The following CELSR1 variants were observed in gnomAD, a reference collection of about 807,000 sequenced individuals.
CELSR1 encodes adhesion G protein-coupled receptor C1.
Under a neutral mutation model 249.1 loss-of-function variants are expected in CELSR1, and 110 were observed. The observed-to-expected ratio is 0.44, with a 90% CI of 0.38 to 0.52. The LOEUF (loss-of-function observed/expected upper bound fraction) is 0.52. Ranked by LOEUF, CELSR1 falls within the 20% of genes least tolerant of loss-of-function variation. The probability of loss-of-function intolerance (pLI) is 0.00; values close to 1 mark genes in which losing one functional copy is unlikely to be tolerated. For missense variants in CELSR1, 4,109 were observed against 4,296.4 expected, an observed-to-expected ratio of 0.96 and a Z score of 1.22; for synonymous variants, 2,113 against 1,900.0, an observed-to-expected ratio of 1.11 and a Z score of -2.92.
At position 46,528,421 on chromosome 22, in the gene CELSR1, C is replaced by T. The variant is rs573152446; in HGVS notation, c.3544+5206G>A. On this transcript the variant is annotated intron_variant, in intron 1 of 34. Coordinates refer to ENST00000674500, the MANE Select transcript of CELSR1 (RefSeq NM_001378328.1). The stretch of plus-strand genomic sequence containing the variant: ...TCCGCCAATCATTCTCACCCACAAA[C>T]GCCACTTTCCTACATCCATGGGTCT... Among the ~76,000 whole-genome samples, 17 of 152,272 alleles carry T rather than the reference C, an allele frequency of 1.1e-4. No individual in the cohort carries two copies. In the East Asian group the frequency reaches 1.7e-3, roughly 16 times the overall value.
chr22:46,507,910 C>T (rs1350615765), intron 1 of CELSR1, among the ~76,000 whole-genome samples: 2 of 152,132 alleles, frequency 1.3e-5, no homozygotes, highest in Non-Finnish European at 2.9e-5. Context: ...TCACACCCCC[C>T]TACCTCCCAC....
intron 2 of CELSR1, among the ~76,000 whole-genome samples, chr22:46,450,067 C>T (rs551564425): frequency 6.6e-6 from 1 of 152,262 alleles, no homozygotes; most frequent in South Asian, 2.1e-4. Flanking sequence ...CGTGACAGTC[C>T]CACACCAGCA....
In CELSR1 at chr22:46,534,579, G is replaced by A. The variant is rs780878549; in HGVS notation, c.2592C>T (p.Ala864=). Residue 864 remains alanine (A), a synonymous_variant, in exon 1 of 35, where the codon GCC becomes GCT. Coordinates refer to ENST00000674500, the MANE Select transcript of CELSR1 (RefSeq NM_001378328.1). This position sits in a 1 kb window ranked among gnomAD's most constrained non-coding sequence, Gnocchi z 9.7. ...ATTTCTGCGGGATGCCGTTGTCCTG[G>A]GCCATGATGGTCAGCGTGTAGGCGA... is the stretch of plus-strand genomic sequence containing the variant. ...NQVAYTLTIM[A]QDNGIPQKSD... The A allele has an allele frequency of 1.2e-6, 2 of 1,613,796 alleles. No individual in the cohort carries two copies. The highest frequency in any genetic ancestry group is 1.7e-6 in the Non-Finnish European group (2 of 1,180,042).
At chr22:46,466,067 G>A (rs959647413) in intron 1 of CELSR1, among the ~76,000 whole-genome samples, 1 of 152,196 alleles carries the variant, frequency 6.6e-6, no homozygotes, top group South Asian at 2.1e-4. Context: ...TCAGTTCTGT[G>A]GGCAACTCCC....
In CELSR1 at chr22:46,409,683, TC is replaced by T; in HGVS notation, c.5059+71del. 1 of 1,586,700 alleles carries T rather than the reference TC, an allele frequency of 6.3e-7. No homozygotes were observed. Among genetic ancestry groups the T allele is most frequent in the Non-Finnish European group, 8.6e-7 (1 of 1,166,962 alleles). On this transcript the variant is annotated intron_variant, in intron 8 of 34. Coordinates refer to ENST00000674500, the MANE Select transcript of CELSR1 (RefSeq NM_001378328.1). This position sits in a 1 kb window ranked among gnomAD's most constrained non-coding sequence, Gnocchi z 9.8. The stretch of plus-strand genomic sequence containing the variant: ...TGGATGTGAAGCCCCCTCACGGTGG[TC>T]CCGGGCACATCAAGGAGCAATGCCT...
intron 19 of CELSR1, among the ~76,000 whole-genome samples, chr22:46,385,630 A>T (rs2079023635): frequency 6.6e-6 from 1 of 151,696 alleles, no homozygotes. Context: ...GTCTTCCCAA[A>T]GGCTCCATTT....
chr22:46,365,090 C>A, intron 32 of CELSR1, 141 bp downstream of exon 32: 1 of 1,211,582 alleles, frequency 8.3e-7, no homozygotes, highest in Non-Finnish European at 1.1e-6. Flanking sequence ...CAACCAGAGT[C>A]CCCCCACCCC....
At position 46,365,325 on chromosome 22, in the gene CELSR1, G is replaced by C; in HGVS notation, c.8460C>G (p.Tyr2820Ter). The change falls in exon 32 of 35, where the codon TAC (tyrosine) becomes TAG (stop). Residue 2820 changes from tyrosine to a stop codon, truncating the protein, a stop_gained. Transcript: ENST00000674500. LOFTEE classifies it high-confidence loss of function. ...CGCTGTCTGACGAGTGTGAGGAGGC[G>C]TAAGAGCTGCTCTGCTCATCCAGGG... The part of the protein sequence containing the change: ...ELSLDEQSSS[Y>*]ASSHSSDSED... 1 of 1,612,950 alleles carries C rather than the reference G, an allele frequency of 6.2e-7. No individual in the cohort carries two copies. The highest frequency in any genetic ancestry group is 8.5e-7 in the Non-Finnish European group (1 of 1,179,952).
Position 46,397,847 on chromosome 22 carries a change from C to T in CELSR1, c.5528G>A (p.Gly1843Glu). ...VRRGFRGCMQ[G>E]VRMGGTPTNV... ...GGTGGGCGTCCCCCCCATCCTCACT[C>T]CCTGCATTAAGTAAACGGCACTGGG... is the stretch of plus-strand genomic sequence containing the variant. Residue 1843 changes from glycine to glutamate, a missense_variant and splice_region_variant, in exon 12 of 35, where the codon GGA becomes GAA. Coordinates refer to ENST00000674500, the MANE Select transcript of CELSR1 (RefSeq NM_001378328.1). 6.4e-7 allele frequency: 1 copy of T among 1,557,852 alleles called. No homozygotes were observed. The highest frequency in any genetic ancestry group is 1.4e-5 in the African/African-American group (1 of 73,260).
rs2080176921 is a variant in CELSR1 at position 46,473,530 on chromosome 22, C to A, written c.3545-9185G>T. On this transcript the variant is annotated intron_variant, in intron 1 of 34. Transcript: ENST00000674500. The surrounding 1 kb of genome is among the most constrained non-coding windows in gnomAD (Gnocchi z 6.6). ...TGAGTCTCCGTCACCACCCCATGCA[C>A]CAAAGCCTGGGGGGCTCCTCCACTC... 6.6e-6 allele frequency among the ~76,000 whole-genome samples: 1 copy of A among 152,150 alleles called. No individual in the cohort carries two copies.
At chr22:46,474,778 C>G (rs888493961) in intron 1 of CELSR1, among the ~76,000 whole-genome samples, 8 of 107,002 alleles carry the variant, frequency 7.5e-5, no homozygotes, top group African/African-American at 2.9e-4. Flanking sequence ...CATTATTCTA[C>G]TCTCTACTTC....
rs114883197 is a variant in CELSR1 at position 46,408,038 on chromosome 22, A to C, written c.5226+958T>G. 0.012 allele frequency among the ~76,000 whole-genome samples: 1,872 copies of C among 152,166 alleles called. 41 individuals carry two copies. The highest frequency in any genetic ancestry group is 0.061 in the Middle Eastern group (18 of 294). ...TGTGGCAGAAGGGCAGCCCGATGAC[A>C]GAAGACAGGGCTCATAACTGTTTCT... is the stretch of plus-strand genomic sequence containing the variant. On this transcript the variant is annotated intron_variant, in intron 9 of 34. Coordinates refer to ENST00000674500, the MANE Select transcript of CELSR1 (RefSeq NM_001378328.1). This position sits in a 1 kb window ranked among gnomAD's most constrained non-coding sequence, Gnocchi z 4.6.
In CELSR1 at chr22:46,433,373, A is replaced by C. The variant is rs1383372756; in HGVS notation, c.4611+20T>G. On this transcript the variant is annotated intron_variant, in intron 5 of 34. Coordinates refer to ENST00000674500, the MANE Select transcript of CELSR1 (RefSeq NM_001378328.1). The surrounding 1 kb of genome is among the most constrained non-coding windows in gnomAD (Gnocchi z 5.7). ...TCGAGCCGCCCTGGGGCCAGGGGGA[A>C]GTGGTGGGGCCCATCTTACCTTGTT... 2.5e-6 allele frequency: 4 copies of C among 1,601,172 alleles called. No individual in the cohort carries two copies. Among genetic ancestry groups the C allele is most frequent in the South Asian group, 2.2e-5 (2 of 90,596 alleles).
intron 5 of CELSR1, among the ~76,000 whole-genome samples, chr22:46,416,105 A>G (rs57771161): frequency 0.093 from 10,472 of 112,492 alleles, 1,949 homozygotes; most frequent in African/African-American, 0.28. Context: ...CAGGTTGCAG[A>G]GGGGGGCGGA....
Position 46,378,631 on chromosome 22 carries a change from G to C in CELSR1, c.7343C>G (p.Thr2448Arg). ...RTHVACQCSH[T>R]ASFAVLMDIS... is the part of the protein sequence containing the mutation. Reference sequence around the variant, plus strand: ...ATCCATGAGCACCGCAAAGCTGGCTGTGTGGCTGCACTGGCAGGCGACATG... The same window carrying C: ...ATCCATGAGCACCGCAAAGCTGGCTCTGTGGCTGCACTGGCAGGCGACATG... The change falls in exon 23 of 35, where the codon ACA becomes AGA. Residue 2448 changes from threonine to arginine, a missense_variant. Coordinates refer to ENST00000674500, the MANE Select transcript of CELSR1 (RefSeq NM_001378328.1). 2 of 1,602,454 alleles carry C rather than the reference G, an allele frequency of 1.2e-6. No individual in the cohort carries two copies. The highest frequency in any genetic ancestry group is 1.7e-6 in the Non-Finnish European group (2 of 1,175,560).
At chr22:46,522,494 G>A (rs1464480970) in intron 1 of CELSR1, among the ~76,000 whole-genome samples, 2 of 152,116 alleles carry the variant, frequency 1.3e-5, no homozygotes, top group Admixed American at 1.3e-4. Context: ...TGGAAGAAAT[G>A]TCTATTCAAG....
At chr22:46,422,321 T>C (rs1459405093) in intron 5 of CELSR1, among the ~76,000 whole-genome samples, 1 of 152,050 alleles carries the variant, frequency 6.6e-6, no homozygotes, top group African/African-American at 2.4e-5. Flanking sequence ...TTGGCCAGGC[T>C]GGTTTTGAAC....
rs931107692 is a variant in CELSR1, at chr22:46,402,900, A to G, written c.5227-2998T>C. Among the ~76,000 whole-genome samples, 2 of 152,230 alleles carry G rather than the reference A, an allele frequency of 1.3e-5. No homozygotes were observed. Among genetic ancestry groups the G allele is most frequent in the Non-Finnish European group, 2.9e-5 (2 of 68,038 alleles). On this transcript the variant is annotated intron_variant, in intron 9 of 34. Coordinates refer to ENST00000674500, the MANE Select transcript of CELSR1 (RefSeq NM_001378328.1). This position sits in a 1 kb window ranked among gnomAD's most constrained non-coding sequence, Gnocchi z 5.0. ...AAAAACAACTATTAGCACACTGCTT[A>G]TATTATACCTGAAATATAAGGATAC...
chr22:46,381,426 G>A lies in CELSR1; in HGVS notation c.7088+420C>T, dbSNP rs979438402. Among the ~76,000 whole-genome samples the A allele has an allele frequency of 6.6e-6, 1 of 152,190 alleles. No individual in the cohort carries two copies. Among genetic ancestry groups the A allele is most frequent in the Admixed American group, 6.5e-5 (1 of 15,290 alleles). ...AGCCTTGGGCTGCTCCCACCGAGCAGGTTGCAAAGCTGCTTCTGGGACATT... is the reference window on the plus strand; with the variant it reads ...AGCCTTGGGCTGCTCCCACCGAGCAAGTTGCAAAGCTGCTTCTGGGACATT... On this transcript the variant is annotated intron_variant, in intron 21 of 34. Transcript: ENST00000674500. The surrounding 1 kb of genome is among the most constrained non-coding windows in gnomAD (Gnocchi z 6.0).
Sources: gnomAD v4.1 joint callset for allele counts (sites outside exome capture counted in the v4.1 genomes callset) on GRCh38, gnomAD v4.1.1 for gene constraint, Gnocchi (gnomAD v3.1) non-coding constraint, MANE v1.5 for transcripts, NCBI Gene and HGNC (gene_info 2026-07-23, HGNC 2026-07-21) for gene names.